ASAH2: variants seen among roughly 807,000 people sequenced by gnomAD.
ASAH2 encodes N-acylsphingosine amidohydrolase 2, also known as neutral ceramidase.
In ASAH2, 58 loss-of-function variants were observed where a neutral mutation model predicts 82.9. The ratio of observed to expected loss-of-function variants is 0.70; its 90% CI spans 0.57 to 0.87. The LOEUF (loss-of-function observed/expected upper bound fraction) is 0.87, where lower values mean the gene tolerates loss of function less well. Among genes scored for constraint, ASAH2 ranks in the 40% least tolerant of loss-of-function variants. The probability of loss-of-function intolerance (pLI) is 0.00; values close to 1 mark genes in which losing one functional copy is unlikely to be tolerated. For synonymous variants in ASAH2, 276 were observed against 289.7 expected (o/e 0.95, Z 0.48); for missense variants, 779 against 834.0 (o/e 0.93, Z 0.81).
In ASAH2 at chr10:50,245,284, T is replaced by C. The variant is rs1846419128; in HGVS notation, c.298A>G (p.Ser100Gly). 3 of 1,614,136 alleles carry C rather than the reference T, an allele frequency of 1.9e-6. No individual in the cohort carries two copies. Among genetic ancestry groups the C allele is most frequent in the African/African-American group, 2.7e-5 (2 of 75,030 alleles). Reference protein sequence around the residue: ...TPESPLFQNFSGYHIGVGRAD... With the variant: ...TPESPLFQNFGGYHIGVGRAD... ...CGTCCAACACCAATATGGTAGCCAC[T>C]GAAGTTCTGAAATAGAGGAGACTCT... Residue 100 changes from serine to glycine, a missense_variant, in exon 3 of 21, where the codon AGT becomes GGT. Physicochemically the swap from Ser to Gly is moderately conservative, Grantham distance 56. This residue lies in a region of ASAH2 where 759 missense variants were observed against 755.2 expected (regional missense o/e 1.00). Coordinates refer to ENST00000682911, the MANE Select transcript of ASAH2 (RefSeq NM_019893.4).
In ASAH2 at chr10:50,235,920, TTTGA is replaced by T; in HGVS notation, c.651_654del (p.Asn217LysfsTer11). Reference sequence around the variant, plus strand: ...ATACCAGTGACCATGTGCTGAAAAGTTTGATTGCTAAATCCTTCACTGGCAATTA... The same window carrying T: ...ATACCAGTGACCATGTGCTGAAAAGTTTGCTAAATCCTTCACTGGCAATTA... On this transcript the variant is annotated frameshift_variant, in exon 5 of 21. Coordinates refer to ENST00000682911, the MANE Select transcript of ASAH2 (RefSeq NM_019893.4). LOFTEE classifies it high-confidence loss of function. 6.2e-7 allele frequency: 1 copy of T among 1,613,356 alleles called. No individual in the cohort carries two copies. Among genetic ancestry groups the T allele is most frequent in the South Asian group, 1.1e-5 (1 of 91,068 alleles).
At chr10:50,236,747 G>T (rs1166757132) in intron 4 of ASAH2, among the ~76,000 whole-genome samples, 1 of 152,082 alleles carries the variant, frequency 6.6e-6, no homozygotes, top group Non-Finnish European at 1.5e-5. Context: ...ATTTTTAGCT[G>T]AGAACATTGA....
chr10:50,246,202 G>T (rs1846453154), intron 2 of ASAH2, among the ~76,000 whole-genome samples: 1 of 152,104 alleles, frequency 6.6e-6, no homozygotes, highest in African/African-American at 2.4e-5. Flanking sequence ...GAAACAAACT[G>T]CCTGGGTTTG....
intron 17 of ASAH2, 54 bp downstream of exon 17, chr10:50,198,991 TACACAC>T (rs1264348423): frequency 0.14 from 207,600 of 1,432,136 alleles, 14,001 homozygotes; most frequent in African/African-American, 0.34. Flanking sequence ...CATACAGACA[TACACAC>T]ACACACACAC....
At position 50,206,083 on chromosome 10, in the gene ASAH2, C is replaced by G. The variant is rs1309315551; in HGVS notation, c.1429G>C (p.Asp477His). Reference sequence around the variant, plus strand: ...TCCCGAATGGTGTCCCAAAATGGATCCCCTTCTGTTTTCCCTATTAGAAAT... The same window carrying G: ...TCCCGAATGGTGTCCCAAAATGGATGCCCTTCTGTTTTCCCTATTAGAAAT... ...LNFTQGKTEG[D>H]PFWDTIRDQI... is the part of the protein sequence containing the mutation. The change falls in exon 13 of 21, where the codon GAT becomes CAT. Residue 477 changes from aspartate (D) to histidine (H), a missense_variant. Asp to His is a moderately conservative substitution (Grantham distance 81). Around this residue, in one of 3 missense-constraint regions of ASAH2, gnomAD observed 759 missense variants for 755.2 expected, o/e 1.00. Coordinates refer to ENST00000682911, the MANE Select transcript of ASAH2 (RefSeq NM_019893.4). 1 of 1,611,452 alleles carries G rather than the reference C, an allele frequency of 6.2e-7. No homozygotes were observed. The highest frequency in any genetic ancestry group is 1.6e-4 in the Middle Eastern group (1 of 6,068).
chr10:50,238,054 T>C (rs1050109041), intron 4 of ASAH2, among the ~76,000 whole-genome samples: 33,040 of 152,128 alleles, frequency 0.22, 4,340 homozygotes, highest in Non-Finnish European at 0.3. Context: ...CTCTGGAACA[T>C]ACAATAAAAT....
chr10:50,204,994 A>G (rs1452548099), intron 13 of ASAH2, 39 bp from the exon 14 acceptor site: 2 of 1,414,610 alleles, frequency 1.4e-6, no homozygotes, highest in African/African-American at 2.8e-5. Flanking sequence ...TAGGGATAAC[A>G]CTCTCTCTAT....
chr10:50,210,150 T>G (rs1274766121), intron 12 of ASAH2, among the ~76,000 whole-genome samples: 8 of 152,100 alleles, frequency 5.3e-5, no homozygotes, highest in African/African-American at 1.9e-4. Context: ...GTTCATCAAC[T>G]GAGGAAGGTT....
chr10:50,228,516 G>C (rs1845946043), intron 7 of ASAH2, among the ~76,000 whole-genome samples: 1 of 152,156 alleles, frequency 6.6e-6, no homozygotes, highest in Non-Finnish European at 1.5e-5. Flanking sequence ...ATAGATGATA[G>C]AGAAGATTTA....
At chr10:50,235,837 A>C in intron 5 of ASAH2, 51 bp downstream of exon 5, 1 of 1,584,218 alleles carries the variant, frequency 6.3e-7, no homozygotes, top group South Asian at 1.1e-5. Flanking sequence ...CACTCCTAAA[A>C]TACCTGTAAG....
At chr10:50,243,925 C>T (rs79118159) in intron 3 of ASAH2, among the ~76,000 whole-genome samples, 6,660 of 152,252 alleles carry the variant, frequency 0.044, 189 homozygotes, top group Non-Finnish European at 0.071. Context: ...TCATTCCTGT[C>T]GTGGGTGCAA....
At chr10:50,188,948 T>C (rs1309294759) in intron 20 of ASAH2, among the ~76,000 whole-genome samples, 1 of 134,844 alleles carries the variant, frequency 7.4e-6, no homozygotes, top group Non-Finnish European at 1.6e-5. Context: ...AGGAATTTGG[T>C]AGCAAAAGGC....
intron 7 of ASAH2, among the ~76,000 whole-genome samples, chr10:50,231,727 C>G (rs1949213): frequency 0.86 from 130,917 of 152,118 alleles, 58,502 homozygotes; most frequent in East Asian, 0.97. Context: ...AGCCCATATA[C>G]CAAAGTTTAT....
At chr10:50,203,066 C>T (rs1241518160) in intron 15 of ASAH2, 142 bp from the exon 16 acceptor site, 8 of 663,402 alleles carry the variant, frequency 1.2e-5, no homozygotes, top group Non-Finnish European at 2.2e-5. Flanking sequence ...CTCTGCACTA[C>T]AGTTGGACAA....
chr10:50,188,432 CAG>C (rs1326674628), intron 20 of ASAH2, among the ~76,000 whole-genome samples: 3 of 151,484 alleles, frequency 2.0e-5, no homozygotes, highest in Non-Finnish European at 4.4e-5. Flanking sequence ...CTCTTGGGCA[CAG>C]AGAGTGTGCT....
At position 50,234,561 on chromosome 10, in the gene ASAH2, T is replaced by TA. The variant is rs1564847566; in HGVS notation, c.688-10dup. ...TGTGCTATGTCAATGCTCTGAAGGT[T>TA]AAAAAAGAGGGGGATGTTATAAGCT... On this transcript the variant is annotated splice_polypyrimidine_tract_variant and intron_variant, in intron 5 of 20. Transcript: ENST00000682911. 1 of 1,612,504 alleles carries TA rather than the reference T, an allele frequency of 6.2e-7. No homozygotes were observed. The highest frequency in any genetic ancestry group is 8.5e-7 in the Non-Finnish European group (1 of 1,178,910).
chr10:50,212,464 C>A (rs796402125), intron 10 of ASAH2, among the ~76,000 whole-genome samples: 139,251 of 152,098 alleles, frequency 0.92, 64,624 homozygotes, highest in Non-Finnish European at 0.99. Context: ...AAAAGAATAG[C>A]TGGATGATCT....
chr10:50,203,480 G>A (rs1247346651), intron 15 of ASAH2, among the ~76,000 whole-genome samples, 160 bp downstream of exon 15: 1 of 151,828 alleles, frequency 6.6e-6, no homozygotes, highest in African/African-American at 2.4e-5. Context: ...ATGCCCTTAT[G>A]TTTTTTAAGT....
chr10:50,187,114 T>TCACACACA lies in ASAH2; in HGVS notation c.*200_*201insTGTGTGTG. On this transcript the variant is annotated 3_prime_UTR_variant, in exon 21 of 21. Transcript: ENST00000682911. ...CTCTCTCTCTCTCTCTCTCTCTCTCTCTCTCACACACACACACACACACAC... is the reference window on the plus strand; with the variant it reads ...CTCTCTCTCTCTCTCTCTCTCTCTCTCACACACACTCTCACACACACACACACACACAC... 3.8e-6 allele frequency: 1 copy of TCACACACA among 262,080 alleles called. No individual in the cohort carries two copies. The highest frequency in any genetic ancestry group is 7.0e-6 in the Non-Finnish European group (1 of 143,048). The allele number at this position is 262,080 out of a possible 1,614,324, so 16.2% of individuals were successfully genotyped here.
Sources: allele counts gnomAD v4.1 joint callset (sites outside exome capture counted in the v4.1 genomes callset), GRCh38; gene constraint gnomAD v4.1.1; regional missense constraint gnomAD v4.1.1; transcripts MANE v1.5; gene names NCBI Gene and HGNC (gene_info 2026-07-23, HGNC 2026-07-21).